MSH3: variants seen among roughly 807,000 people sequenced by gnomAD.
MSH3 encodes the protein DNA mismatch repair protein Msh3.
In MSH3, 106 loss-of-function variants were observed where a neutral mutation model predicts 123.3. That is an observed-to-expected ratio of 0.86 (90% CI 0.73 to 1.01). The LOEUF is 1.01. Among genes scored for constraint, MSH3 ranks in the 50% least tolerant of loss-of-function variants. The pLI, the probability that MSH3 is intolerant of heterozygous loss-of-function variation, is 0.00. For missense variants in MSH3, 1,459 were observed against 1,347.6 expected (o/e 1.08, Z -1.29); for synonymous variants, 515 against 481.4 (o/e 1.07, Z -0.91).
intron 23 of MSH3, 51 bp from the exon 24 acceptor site, chr5:80,875,700 G>C (rs1424023140): frequency 9.3e-7 from 1 of 1,072,442 alleles, no homozygotes; most frequent in Non-Finnish European, 1.4e-6. Context: ...GAGACGTATT[G>C]TCTCCCAGCA....
At chr5:80,831,912 T>C (rs1236742064) in intron 20 of MSH3, among the ~76,000 whole-genome samples, 1 of 151,842 alleles carries the variant, frequency 6.6e-6, no homozygotes, top group Non-Finnish European at 1.5e-5. Context: ...ATCGAGACCA[T>C]CCTGGCTAAC....
intron 18 of MSH3, among the ~76,000 whole-genome samples, chr5:80,790,658 G>T (rs1357515659): frequency 3.3e-5 from 5 of 152,100 alleles, no homozygotes. Context: ...TGTATTGCCC[G>T]CATTACATCA....
chr5:80,707,998 G>A (rs1750760405), intron 8 of MSH3, among the ~76,000 whole-genome samples: 2 of 152,030 alleles, frequency 1.3e-5, no homozygotes, highest in South Asian at 2.1e-4. Context: ...TGGATTACTT[G>A]TATTTTTTAG....
chr5:80,762,872 C>G (rs1744066027), intron 13 of MSH3, among the ~76,000 whole-genome samples: 1 of 109,958 alleles, frequency 9.1e-6, no homozygotes, highest in Non-Finnish European at 1.9e-5. Flanking sequence ...TTGAGACAGA[C>G]TTTTACTCTC....
rs2112885058 is a variant in MSH3 at position 80,768,816 on chromosome 5, G to A, written c.2085-19G>A. On this transcript the variant is annotated intron_variant, in intron 14 of 23. Transcript: ENST00000265081. Reference sequence around the variant, plus strand: ...ATTAATAAACTTCGAATATGTATTTGCATGTTTTGATTTTTTAGAGTTGGG... The same window carrying A: ...ATTAATAAACTTCGAATATGTATTTACATGTTTTGATTTTTTAGAGTTGGG... The A allele has an allele frequency of 1.3e-6, 2 of 1,579,822 alleles. No individual in the cohort carries two copies. Among genetic ancestry groups the A allele is most frequent in the East Asian group, 4.5e-5 (2 of 44,484 alleles).
At chr5:80,666,407 C>T (rs1650667) in intron 3 of MSH3, among the ~76,000 whole-genome samples, 42,166 of 152,006 alleles carry the variant, frequency 0.28, 6,078 homozygotes, top group Middle Eastern at 0.35. Flanking sequence ...TCCCACAAAG[C>T]CCAGATCCAT....
intron 8 of MSH3, among the ~76,000 whole-genome samples, chr5:80,701,980 T>G (rs1750618853): frequency 6.6e-6 from 1 of 152,058 alleles, no homozygotes; most frequent in African/African-American, 2.4e-5. Context: ...CCTCCCTCCC[T>G]TCTTTTTCTA....
At chr5:80,855,738 C>G (rs1199324235) in intron 21 of MSH3, 1 of 152,224 alleles carries the variant, frequency 6.6e-6, no homozygotes, top group African/African-American at 2.4e-5. Context: ...TGACAAACTT[C>G]TAAATAGCCT....
At chr5:80,720,919 G>A (rs746188322) in intron 8 of MSH3, among the ~76,000 whole-genome samples, 7 of 152,070 alleles carry the variant, frequency 4.6e-5, no homozygotes, top group Non-Finnish European at 8.8e-5. Context: ...TTACACAACT[G>A]TAAGTGTAAG....
chr5:80,725,011 G>A (rs576275839), intron 8 of MSH3, among the ~76,000 whole-genome samples: 6 of 151,940 alleles, frequency 3.9e-5, no homozygotes, highest in African/African-American at 1.2e-4. Context: ...TCAGGAGATC[G>A]AGACCATCCT....
At chr5:80,759,246 A>G (rs1743988684) in intron 12 of MSH3, among the ~76,000 whole-genome samples, 1 of 152,208 alleles carries the variant, frequency 6.6e-6, no homozygotes, top group Non-Finnish European at 1.5e-5. Context: ...AAGAAGAAAT[A>G]CAATTATGAT....
chr5:80,729,337 C>T (rs916969620), intron 10 of MSH3, among the ~76,000 whole-genome samples: 7 of 149,550 alleles, frequency 4.7e-5, no homozygotes, highest in Admixed American at 1.3e-4. Context: ...ATGGCGTGAA[C>T]CCAGGGAGGT....
chr5:80,716,222 C>T (rs1012736618), intron 8 of MSH3, among the ~76,000 whole-genome samples: 1 of 152,102 alleles, frequency 6.6e-6, no homozygotes, highest in African/African-American at 2.4e-5. Context: ...GCTAGTTTTC[C>T]CTACCCCACA....
chr5:80,657,651 G>GA (rs72386143), intron 2 of MSH3, among the ~76,000 whole-genome samples: 10 of 145,676 alleles, frequency 6.9e-5, no homozygotes, highest in Non-Finnish European at 7.6e-5. Context: ...AAGAGAATGA[G>GA]AAAAAAAAAA....
At chr5:80,795,468 A>G (rs1210234257) in intron 19 of MSH3, among the ~76,000 whole-genome samples, 1 of 152,084 alleles carries the variant, frequency 6.6e-6, no homozygotes. Context: ...GACACCTCAC[A>G]TGGTGGAATG....
chr5:80,802,596 G>C (rs994654342), intron 19 of MSH3, among the ~76,000 whole-genome samples: 1 of 151,890 alleles, frequency 6.6e-6, no homozygotes, highest in African/African-American at 2.4e-5. Context: ...TATACTCTTA[G>C]TTATTTTTAA....
chr5:80,803,855 G>C (rs1052972234), intron 19 of MSH3, among the ~76,000 whole-genome samples: 29 of 152,098 alleles, frequency 1.9e-4, no homozygotes, highest in Admixed American at 1.9e-3. Context: ...TGTCAAAAAT[G>C]AGTGCACTGT....
chr5:80,757,472 C>T (rs957835257), intron 12 of MSH3, among the ~76,000 whole-genome samples: 37 of 152,142 alleles, frequency 2.4e-4, no homozygotes, highest in African/African-American at 8.7e-4. Flanking sequence ...GGTAGATACT[C>T]ATGTCACCAC....
intron 8 of MSH3, among the ~76,000 whole-genome samples, chr5:80,681,079 A>G (rs373951794): frequency 2.0e-5 from 3 of 152,234 alleles, no homozygotes; most frequent in African/African-American, 7.2e-5. Context: ...TTCTACCAGT[A>G]TAGTCTAGGA....
Sources: allele counts gnomAD v4.1 joint callset (sites outside exome capture counted in the v4.1 genomes callset), GRCh38; gene constraint gnomAD v4.1.1; transcripts MANE v1.5; gene names NCBI Gene and HGNC (gene_info 2026-07-23, HGNC 2026-07-21).